Variants in FOXN3 observed in about 807,000 individuals in gnomAD.
The protein encoded by FOXN3 is forkhead box protein N3.
A neutral mutation model predicts 38.4 loss-of-function variants in FOXN3; 7 were observed. The ratio of observed to expected loss-of-function variants is 0.18; its 90% confidence interval spans 0.10 to 0.34. The LOEUF (loss-of-function observed/expected upper bound fraction) is 0.34. Ranked by LOEUF, FOXN3 falls within the 10% of genes least tolerant of loss-of-function variation. The pLI, the probability that FOXN3 is intolerant of heterozygous loss-of-function variation, is 1.00. For synonymous variants in FOXN3, 230 were observed against 242.2 expected (o/e 0.95, Z 0.47); for missense variants, 456 against 613.4 (o/e 0.74, Z 2.71).
chr14:89,414,560 T>G (rs1374285857), intron 1 of FOXN3, among the ~76,000 whole-genome samples: 1 of 149,218 alleles, frequency 6.7e-6, no homozygotes, highest in African/African-American at 2.5e-5. Flanking sequence ...GGTTTTTTTT[T>G]TTTTTTTTTT....
chr14:89,241,082 C>T lies in FOXN3; in HGVS notation c.745+39868G>A, dbSNP rs530804771. ...AGCCTCCATTTTCCAATTAGCGCTA[C>T]CCCCCATATCACTGACACTGGCATC... On this transcript the variant is annotated intron_variant, in intron 4 of 5. Coordinates refer to ENST00000557258, the MANE Select transcript of FOXN3 (RefSeq NM_005197.4). Among the ~76,000 whole-genome samples, 11 of 152,266 alleles carry T rather than the reference C, an allele frequency of 7.2e-5. No homozygotes were observed. The South Asian group carries it at 2.3e-3, about 32-fold the overall frequency.
chr14:89,573,140 G>A (rs1895529062), intron 1 of FOXN3, among the ~76,000 whole-genome samples: 1 of 152,192 alleles, frequency 6.6e-6, no homozygotes, highest in Admixed American at 6.5e-5. Flanking sequence ...TAGTTTGACA[G>A]TGCTGCCAAA....
chr14:89,337,920 G>A (rs904151396), intron 3 of FOXN3, among the ~76,000 whole-genome samples: 1 of 152,146 alleles, frequency 6.6e-6, no homozygotes, highest in East Asian at 1.9e-4. Flanking sequence ...GTGAGCCACC[G>A]TGCCCAGCCA....
At chr14:89,378,495 G>A (rs540116388) in intron 2 of FOXN3, among the ~76,000 whole-genome samples, 13 of 152,124 alleles carry the variant, frequency 8.5e-5, no homozygotes, top group Middle Eastern at 3.2e-3. Context: ...ATTTTTCATC[G>A]CTGAGCAGAA....
chr14:89,549,501 C>G (rs1457901694), intron 1 of FOXN3, among the ~76,000 whole-genome samples: 1 of 152,056 alleles, frequency 6.6e-6, no homozygotes, highest in African/African-American at 2.4e-5. Context: ...TGGCCCCAGG[C>G]ACTCCAGCAC....
rs1331706016 is a variant in FOXN3 at position 89,417,080 on chromosome 14, G to A, written c.-224C>T. The stretch of plus-strand genomic sequence containing the variant: ...GGTCGCGGCGCGGCATGGGACCTGC[G>A]GCGTCCGCCGGGCGCGCCGCGCGTC... On this transcript the variant is annotated 5_prime_UTR_variant, in exon 1 of 6. Transcript: ENST00000557258. 1 of 144,076 alleles carries A rather than the reference G, an allele frequency of 6.9e-6. No individual in the cohort carries two copies. Among genetic ancestry groups the A allele is most frequent in the Admixed American group, 6.8e-5 (1 of 14,618 alleles). 8.9% of individuals were successfully genotyped at this position (144,076 alleles called of 1,614,324 possible). A position where few individuals can be genotyped will look rare whatever the true frequency, so the allele number is the denominator to read the frequency against.
In FOXN3 at chr14:89,162,978, C is replaced by A; in HGVS notation, c.852-9G>T. 6.5e-7 allele frequency: 1 copy of A among 1,543,720 alleles called. No individual in the cohort carries two copies. The highest frequency in any genetic ancestry group is 1.2e-5 in the South Asian group (1 of 80,104). ...AGCTGGTGATGCCATTCCTGCAGAG[C>A]GAGGACAGTGGGGAGGGACGGGAGA... On this transcript the variant is annotated splice_polypyrimidine_tract_variant and intron_variant, in intron 5 of 5. Coordinates refer to ENST00000557258, the MANE Select transcript of FOXN3 (RefSeq NM_005197.4). This position sits in a 1 kb window ranked among gnomAD's most constrained non-coding sequence, Gnocchi z 7.2.
rs528866443 is a variant in FOXN3 at position 89,495,172 on chromosome 14, G to T, written c.-14-82682C>A. 2.0e-5 allele frequency among the ~76,000 whole-genome samples: 3 copies of T among 152,222 alleles called. No individual in the cohort carries two copies. In the East Asian group the frequency reaches 5.8e-4, roughly 29 times the overall value. On this transcript the variant is annotated intron_variant, in intron 1 of 6. Coordinates refer to the FOXN3 transcript ENST00000345097. ...GGGCTGGTTAATAATATTCAATCTAGATGAAAATGGCCACGTTTTAGATTT... is the reference window on the plus strand; with the variant it reads ...GGGCTGGTTAATAATATTCAATCTATATGAAAATGGCCACGTTTTAGATTT...
intron 2 of FOXN3, among the ~76,000 whole-genome samples, chr14:89,404,263 A>C (rs531473725): frequency 6.6e-6 from 1 of 151,908 alleles, no homozygotes; most frequent in South Asian, 2.1e-4. Flanking sequence ...TAATCTCAGC[A>C]CTTTGGGAGG....
chr14:89,574,022 C>T (rs780774067), intron 1 of FOXN3, among the ~76,000 whole-genome samples: 1 of 152,100 alleles, frequency 6.6e-6, no homozygotes, highest in African/African-American at 2.4e-5. Flanking sequence ...CACAGCAAGA[C>T]CCCATCTCCA....
chr14:89,465,342 G>A (rs1892957224), intron 1 of FOXN3, among the ~76,000 whole-genome samples: 2 of 152,120 alleles, frequency 1.3e-5, no homozygotes, highest in South Asian at 2.1e-4. Flanking sequence ...CGATTCTCCT[G>A]CCTCAGCCTC....
chr14:89,557,793 G>T (rs1895159652), intron 1 of FOXN3, among the ~76,000 whole-genome samples: 1 of 152,070 alleles, frequency 6.6e-6, no homozygotes, highest in South Asian at 2.1e-4. Flanking sequence ...ATCACTTGAG[G>T]CCAGAAGTTT....
chr14:89,272,622 C>A (rs980460857), intron 4 of FOXN3, among the ~76,000 whole-genome samples: 1 of 152,138 alleles, frequency 6.6e-6, no homozygotes, highest in Admixed American at 6.5e-5. Flanking sequence ...GAGGCTGAGG[C>A]GGGCAGATCA....
At chr14:89,563,936 G>A (rs171460) in intron 1 of FOXN3, among the ~76,000 whole-genome samples, 50,395 of 151,908 alleles carry the variant, frequency 0.33, 9,085 homozygotes, top group African/African-American at 0.47. Context: ...TGCAAACTCC[G>A]CCTCCCAGGT....
chr14:89,265,990 T>C (rs1344159610), intron 4 of FOXN3, among the ~76,000 whole-genome samples: 1 of 152,166 alleles, frequency 6.6e-6, no homozygotes, highest in East Asian at 1.9e-4. Flanking sequence ...GGGACACAGC[T>C]GCCCATTACT....
At chr14:89,506,548 A>G in intron 1 of FOXN3, among the ~76,000 whole-genome samples, 1 of 150,446 alleles carries the variant, frequency 6.6e-6, no homozygotes, top group East Asian at 2.0e-4. Flanking sequence ...CCGGGAGGTG[A>G]GGGGCGCCTC....
chr14:89,333,749 TAAAAAAAAAA>T lies in FOXN3; in HGVS notation c.680+16913_680+16922del, dbSNP rs57491119. ...GCCTGGGTGAACACAGAGAGACTATTAAAAAAAAAAAAAAAAAAAAAAAAAAACAGAACCC... is the reference window on the plus strand; with the variant it reads ...GCCTGGGTGAACACAGAGAGACTATTAAAAAAAAAAAAAAAAACAGAACCC... On this transcript the variant is annotated intron_variant, in intron 3 of 5. Transcript: ENST00000557258. Among the ~76,000 whole-genome samples, 14 of 57,290 alleles carry T rather than the reference TAAAAAAAAAA, an allele frequency of 2.4e-4. No individual in the cohort carries two copies. The South Asian group carries it at 3.7e-3, about 15-fold the overall frequency. 37.6% of individuals were successfully genotyped at this position (57,290 alleles called of 152,430 possible).
chr14:89,398,413 C>T (rs972781609), intron 2 of FOXN3, among the ~76,000 whole-genome samples: 2 of 152,120 alleles, frequency 1.3e-5, no homozygotes, highest in African/African-American at 4.8e-5. Context: ...TTCTGGTAAT[C>T]GCTCAACCCT....
At chr14:89,504,096 T>C (rs1893858317) in intron 1 of FOXN3, among the ~76,000 whole-genome samples, 1 of 152,210 alleles carries the variant, frequency 6.6e-6, no homozygotes. Context: ...GTTTCCCTGA[T>C]GGTACCCAGC....
Sources: allele counts gnomAD v4.1 joint callset (sites outside exome capture counted in the v4.1 genomes callset), GRCh38; gene constraint gnomAD v4.1.1; non-coding constraint Gnocchi (gnomAD v3.1); transcripts MANE v1.5; gene names NCBI Gene and HGNC (gene_info 2026-07-23, HGNC 2026-07-21).